MPP7: variants seen among roughly 807,000 people sequenced by gnomAD.
The protein encoded by MPP7 is MAGUK p55 scaffold protein 7.
MPP7 carries 60 observed loss-of-function variants against 76.5 expected under a neutral mutation model. The observed-to-expected ratio is 0.78, with a 90% confidence interval of 0.64 to 0.97. The LOEUF (loss-of-function observed/expected upper bound fraction) is 0.97, where lower values mean the gene tolerates loss of function less well. MPP7 is among the 50% of genes least tolerant of loss of function. MPP7 has a pLI of 0.00. For missense variants in MPP7, 641 were observed against 694.0 expected (o/e 0.92, Z 0.86); for synonymous variants, 237 against 244.5 (o/e 0.97, Z 0.29).
At chr10:28,280,392 C>T (rs939369810) in intron 1 of MPP7, among the ~76,000 whole-genome samples, 9 of 152,066 alleles carry the variant, frequency 5.9e-5, no homozygotes, top group South Asian at 2.1e-4. Flanking sequence ...AATGCAAATG[C>T]TATGTAAATA....
intron 1 of MPP7, among the ~76,000 whole-genome samples, chr10:28,300,826 G>C (rs987176076): frequency 2.7e-4 from 41 of 151,782 alleles, no homozygotes; most frequent in Admixed American, 2.7e-3. Context: ...GGGCGTGGTG[G>C]CATGCGCCTG....
chr10:28,143,943 G>A (rs748491445), intron 5 of MPP7, among the ~76,000 whole-genome samples: 17 of 151,336 alleles, frequency 1.1e-4, no homozygotes, highest in Admixed American at 2.0e-4. Context: ...AGAGTGAAGC[G>A]GCGTGATCTT....
At chr10:28,241,457 T>C (rs754768814) in intron 1 of MPP7, among the ~76,000 whole-genome samples, 2 of 152,216 alleles carry the variant, frequency 1.3e-5, no homozygotes, top group Non-Finnish European at 2.9e-5. Context: ...TAATACTTTG[T>C]ATTTTGTGGA....
chr10:28,087,714 A>G (rs751130372), intron 12 of MPP7, among the ~76,000 whole-genome samples: 3 of 152,100 alleles, frequency 2.0e-5, no homozygotes, highest in Admixed American at 6.5e-5. Context: ...ATTTTATTAC[A>G]TGTCTTTCCC....
chr10:28,094,608 C>A (rs1853476480), intron 11 of MPP7, among the ~76,000 whole-genome samples: 1 of 151,966 alleles, frequency 6.6e-6, no homozygotes. Context: ...CCCTTGTAGT[C>A]CCATAGCATG....
intron 5 of MPP7, among the ~76,000 whole-genome samples, chr10:28,143,192 T>C (rs1835583013): frequency 1.3e-5 from 2 of 151,984 alleles, no homozygotes; most frequent in Non-Finnish European, 2.9e-5. Flanking sequence ...ACAGAAAGGG[T>C]TGAAAGGTAA....
At chr10:28,211,421 T>G (rs560059351) in intron 2 of MPP7, among the ~76,000 whole-genome samples, 2 of 150,208 alleles carry the variant, frequency 1.3e-5, no homozygotes, top group South Asian at 4.3e-4. Flanking sequence ...CAACTTCAAG[T>G]TGTCTTGCAG....
intron 3 of MPP7, among the ~76,000 whole-genome samples, chr10:28,198,889 C>A (rs1837678524): frequency 6.6e-6 from 1 of 152,086 alleles, no homozygotes; most frequent in Non-Finnish European, 1.5e-5. Flanking sequence ...ATTCTGATAT[C>A]CTTCTATTTC....
At chr10:28,060,122 C>T (rs1197254869) in intron 13 of MPP7, among the ~76,000 whole-genome samples, 3 of 150,680 alleles carry the variant, frequency 2.0e-5, no homozygotes, top group African/African-American at 7.3e-5. Context: ...AATCTATTAA[C>T]CACTAAGTTG....
At chr10:28,060,434 C>T (rs1403196424) in intron 13 of MPP7, among the ~76,000 whole-genome samples, 8 of 152,212 alleles carry the variant, frequency 5.3e-5, no homozygotes, top group Admixed American at 1.3e-4. Flanking sequence ...AAACCCACTA[C>T]AGGCCATCCT....
chr10:28,314,938 G>A (rs945155427), intron 2 of MPP7, among the ~76,000 whole-genome samples: 1 of 152,068 alleles, frequency 6.6e-6, no homozygotes, highest in Non-Finnish European at 1.5e-5. Flanking sequence ...TCTTGAGGCT[G>A]AGAGTTTAAG....
At chr10:28,157,956 A>T (rs1254385772) in intron 3 of MPP7, among the ~76,000 whole-genome samples, 1 of 151,426 alleles carries the variant, frequency 6.6e-6, no homozygotes, top group African/African-American at 2.5e-5. Context: ...CCCCATCGGT[A>T]AGGAAATTCA....
chr10:28,165,436 G>A (rs900178204), intron 3 of MPP7, among the ~76,000 whole-genome samples: 5 of 151,754 alleles, frequency 3.3e-5, no homozygotes, highest in African/African-American at 1.2e-4. Context: ...TTAGGTGGGA[G>A]GATTGCTTAA....
intron 2 of MPP7, among the ~76,000 whole-genome samples, chr10:28,220,221 T>C (rs906676202): frequency 6.6e-6 from 1 of 152,150 alleles, no homozygotes; most frequent in South Asian, 2.1e-4. Context: ...TGTAATTAAC[T>C]GTCAATAGTC....
At chr10:28,320,007 C>A (rs1834350939) in intron 2 of MPP7, among the ~76,000 whole-genome samples, 1 of 152,060 alleles carries the variant, frequency 6.6e-6, no homozygotes, top group Non-Finnish European at 1.5e-5. Flanking sequence ...CTTTCGGTGC[C>A]CTCTATACCT....
chr10:28,169,741 T>G (rs984889952), intron 3 of MPP7, among the ~76,000 whole-genome samples: 1 of 152,198 alleles, frequency 6.6e-6, no homozygotes, highest in Admixed American at 6.5e-5. Context: ...TTCCTGTTGG[T>G]TGCTGGGGTT....
Position 28,175,517 on chromosome 10 carries a change from T to G in MPP7, c.157-25458A>C, listed in dbSNP as rs182776257. On this transcript the variant is annotated intron_variant, in intron 3 of 16. Coordinates refer to ENST00000683449, the MANE Select transcript of MPP7 (RefSeq NM_001318170.2). ...GAACATACTGAATATCTGGGAAAACTGATACTAAACAGTCAACACTGAGAA... is the reference window on the plus strand; with the variant it reads ...GAACATACTGAATATCTGGGAAAACGGATACTAAACAGTCAACACTGAGAA... Among the ~76,000 whole-genome samples the G allele has an allele frequency of 2.5e-3, 384 of 152,238 alleles. 1 individual carries two copies. The highest frequency in any genetic ancestry group is 9.0e-3 in the African/African-American group (373 of 41,560).
At chr10:28,251,879 A>T (rs986333802) in intron 1 of MPP7, among the ~76,000 whole-genome samples, 4 of 152,166 alleles carry the variant, frequency 2.6e-5, no homozygotes, top group African/African-American at 4.8e-5. Flanking sequence ...CAACACAGTA[A>T]TGACCCCCAT....
At chr10:28,306,740 T>C (rs187246685), upstream of MPP7, among the ~76,000 whole-genome samples, 1 of 151,896 alleles carries the variant, frequency 6.6e-6, no homozygotes, top group East Asian at 1.9e-4. Flanking sequence ...AGTTGATAGA[T>C]AGATAATAGA....
Sources: gnomAD v4.1 joint callset for allele counts (sites outside exome capture counted in the v4.1 genomes callset) on GRCh38, gnomAD v4.1.1 for gene constraint, MANE v1.5 for transcripts, NCBI Gene and HGNC (gene_info 2026-07-23, HGNC 2026-07-21) for gene names.